PPME1: variants seen among roughly 807,000 people sequenced by gnomAD.
PPME1 encodes protein phosphatase methylesterase 1, also known as testicular secretory protein Li 39.
A neutral mutation model predicts 56.9 loss-of-function variants in PPME1; 17 were observed. The ratio of observed to expected loss-of-function variants is 0.30; its 90% CI spans 0.20 to 0.45. PPME1 has a LOEUF of 0.45. Among genes scored for constraint, PPME1 ranks in the 20% least tolerant of loss-of-function variants. The pLI is 1.00. For missense variants in PPME1, 357 were observed against 483.2 expected (o/e 0.74, Z 2.45); for synonymous variants, 122 against 156.2 (o/e 0.78, Z 1.63).
chr11:74,187,015 A>G (rs1565376840), intron 1 of PPME1, among the ~76,000 whole-genome samples: 1 of 152,188 alleles, frequency 6.6e-6, no homozygotes, highest in Non-Finnish European at 1.5e-5. Context: ...TTCTTTTCCT[A>G]TACAGTTATC....
At chr11:74,211,013 A>G (rs1356886869) in intron 3 of PPME1, among the ~76,000 whole-genome samples, 3 of 152,242 alleles carry the variant, frequency 2.0e-5, no homozygotes, top group Non-Finnish European at 4.4e-5. Context: ...CAGTTTACAA[A>G]GTTGATGTTT....
chr11:74,178,318 C>T (rs191503849), intron 1 of PPME1, among the ~76,000 whole-genome samples: 4 of 152,104 alleles, frequency 2.6e-5, no homozygotes, highest in Non-Finnish European at 4.4e-5. Context: ...CAGATTTTTC[C>T]CTTAAGTCTT....
intron 9 of PPME1, among the ~76,000 whole-genome samples, chr11:74,240,031 G>T (rs1241466943): frequency 7.1e-6 from 1 of 140,224 alleles, no homozygotes; most frequent in Non-Finnish European, 1.5e-5. Flanking sequence ...TGGCTCACGT[G>T]ATCATCCCAC....
chr11:74,176,129 T>C (rs1379134315), intron 1 of PPME1, among the ~76,000 whole-genome samples: 1 of 152,206 alleles, frequency 6.6e-6, no homozygotes, highest in African/African-American at 2.4e-5. Context: ...ACACATAAGC[T>C]CTTAAAGAAT....
At chr11:74,187,709 T>C (rs1216084623) in intron 1 of PPME1, among the ~76,000 whole-genome samples, 4 of 152,222 alleles carry the variant, frequency 2.6e-5, no homozygotes, top group Non-Finnish European at 5.9e-5. Context: ...ATATCTCTGC[T>C]GTTCTTCTGA....
Position 74,253,705 on chromosome 11 carries a change from A to G in PPME1, c.*195A>G. 1 of 647,330 alleles carries G rather than the reference A, an allele frequency of 1.5e-6. No homozygotes were observed. The allele number at this position is 647,330 out of a possible 1,614,324, so 40.1% of individuals were successfully genotyped here. A position where few individuals can be genotyped will look rare whatever the true frequency, so the allele number is the denominator to read the frequency against. On this transcript the variant is annotated 3_prime_UTR_variant, in exon 14 of 14. Coordinates refer to ENST00000328257, the MANE Select transcript of PPME1 (RefSeq NM_016147.3). ...CATTGTTTTCCAGGGCCCTTGACCA[A>G]CATCGGCTTCCCCAGTCCAGGGCTC...
In PPME1 at chr11:74,253,800, C is replaced by T; in HGVS notation, c.*290C>T. Reference sequence around the variant, plus strand: ...TCTCCCTGCGTTGCCTAGGGTAAAGCCTCCAGATTTGCCATACTGAGCCCC... The same window carrying T: ...TCTCCCTGCGTTGCCTAGGGTAAAGTCTCCAGATTTGCCATACTGAGCCCC... On this transcript the variant is annotated 3_prime_UTR_variant, in exon 14 of 14. Coordinates refer to ENST00000328257, the MANE Select transcript of PPME1 (RefSeq NM_016147.3). 5 of 541,978 alleles carry T rather than the reference C, an allele frequency of 9.2e-6. No individual in the cohort carries two copies. In the South Asian group the frequency reaches 1.0e-4, roughly 11 times the overall value. 33.6% of individuals were successfully genotyped at this position (541,978 alleles called of 1,614,324 possible). A position where few individuals can be genotyped will look rare whatever the true frequency, so the allele number is the denominator to read the frequency against.
At chr11:74,187,267 A>G (rs76388450) in intron 1 of PPME1, among the ~76,000 whole-genome samples, 2,381 of 152,284 alleles carry the variant, frequency 0.016, 148 homozygotes, top group Admixed American at 0.11. Context: ...GAGTTTGTCA[A>G]CGTCTGCAAA....
chr11:74,217,852 CCTTT>C (rs1380130929), intron 3 of PPME1, among the ~76,000 whole-genome samples: 1 of 151,920 alleles, frequency 6.6e-6, no homozygotes, highest in Admixed American at 6.6e-5. Flanking sequence ...AAAGTTGAAA[CCTTT>C]CTTGTAAGAT....
In PPME1 at chr11:74,238,415, A is replaced by G. The variant is rs1184753951; in HGVS notation, c.711-718A>G. The G allele has an allele frequency of 3.3e-5, 5 of 152,164 alleles. No individual in the cohort carries two copies. The East Asian group carries it at 9.6e-4, about 29-fold the overall frequency. The allele number at this position is 152,164 out of a possible 1,614,324, so 9.4% of individuals were successfully genotyped here. A position where few individuals can be genotyped will look rare whatever the true frequency, so the allele number is the denominator to read the frequency against. ...CTTCTCTGTCTTTGTCAAGGGCAAA[A>G]TAACAGATTGTTCTCTATCATACAG... is the stretch of plus-strand genomic sequence containing the variant. On this transcript the variant is annotated intron_variant, in intron 8 of 13. Coordinates refer to ENST00000328257, the MANE Select transcript of PPME1 (RefSeq NM_016147.3).
Position 74,203,838 on chromosome 11 carries a change from G to T in PPME1, c.195+17G>T, listed in dbSNP as rs561961984. On this transcript the variant is annotated intron_variant, in intron 2 of 13. Transcript: ENST00000328257. Reference sequence around the variant, plus strand: ...GGCAAGGATATATCCTTTGCAAAATGGCTTATTCTTTAGTGAGCTTATGAT... The same window carrying T: ...GGCAAGGATATATCCTTTGCAAAATTGCTTATTCTTTAGTGAGCTTATGAT... The T allele has an allele frequency of 6.4e-7, 1 of 1,557,314 alleles. No individual in the cohort carries two copies. The highest frequency in any genetic ancestry group is 1.4e-5 in the African/African-American group (1 of 72,976).
rs573256470 is a variant in PPME1, at chr11:74,175,362, G to A, written c.101+3840G>A. Among the ~76,000 whole-genome samples the A allele has an allele frequency of 1.2e-3, 182 of 152,174 alleles. 3 individuals are homozygous for A. Among genetic ancestry groups the A allele is most frequent in the African/African-American group, 4.1e-3 (172 of 41,512 alleles). ...TCCTAAAAATACAAAATTAGCTGGCGTGGTGGCACATGCCTGTAATCCCAG... is the reference window on the plus strand; with the variant it reads ...TCCTAAAAATACAAAATTAGCTGGCATGGTGGCACATGCCTGTAATCCCAG... On this transcript the variant is annotated intron_variant, in intron 1 of 13. Transcript: ENST00000328257.
chr11:74,174,249 C>T (rs942891142), intron 1 of PPME1, among the ~76,000 whole-genome samples: 1 of 152,154 alleles, frequency 6.6e-6, no homozygotes, highest in Non-Finnish European at 1.5e-5. Flanking sequence ...AGAAGCTTAG[C>T]GGTAGGGCCG....
chr11:74,230,329 T>G lies in PPME1; in HGVS notation c.483T>G (p.Ile161Met), dbSNP rs973798171. The G allele has an allele frequency of 6.2e-7, 1 of 1,613,830 alleles. No individual in the cohort carries two copies. Among genetic ancestry groups the G allele is most frequent in the Non-Finnish European group, 8.5e-7 (1 of 1,179,742 alleles). The change falls in exon 6 of 14, where the codon ATT becomes ATG. Residue 161 changes from isoleucine (I) to methionine (M), a missense_variant. Transcript: ENST00000328257. The surrounding 1 kb of genome is among the most constrained non-coding windows in gnomAD (Gnocchi z 4.9). ...MLIGHSMGGA[I>M]AVHTASSNLV... Reference sequence around the variant, plus strand: ...TTGGACATAGCATGGGTGGTGCTATTGCAGTCCACACAGCATCATCCAACC... The same window carrying G: ...TTGGACATAGCATGGGTGGTGCTATGGCAGTCCACACAGCATCATCCAACC...
At chr11:74,213,250 G>A (rs1239888876) in intron 3 of PPME1, among the ~76,000 whole-genome samples, 1 of 152,186 alleles carries the variant, frequency 6.6e-6, no homozygotes, top group African/African-American at 2.4e-5. Flanking sequence ...GACTATGCTT[G>A]TGGAAAGGAT....
intron 7 of PPME1, among the ~76,000 whole-genome samples, chr11:74,235,407 T>C (rs188530338): frequency 7.1e-4 from 108 of 152,222 alleles, no homozygotes; most frequent in African/African-American, 2.5e-3. Context: ...AAAATCATTA[T>C]CCTGCCGACT....
intron 1 of PPME1, among the ~76,000 whole-genome samples, chr11:74,174,133 C>G (rs554462339): frequency 6.9e-6 from 1 of 144,306 alleles, no homozygotes; most frequent in African/African-American, 3.0e-5. Flanking sequence ...TCTCATTTCA[C>G]CACTTCATGT....
In PPME1 at chr11:74,237,130, A is replaced by G. The variant is rs1028279976; in HGVS notation, c.710+1164A>G. Among the ~76,000 whole-genome samples the G allele has an allele frequency of 4.7e-5, 7 of 149,516 alleles. No homozygotes were observed. The South Asian group carries it at 8.3e-4, about 18-fold the overall frequency. ...GATTTGCTGATTGAATTCTCAGGCC[A>G]TAATTTAACATATTCCTTTGTTCCT... On this transcript the variant is annotated intron_variant, in intron 8 of 13. Coordinates refer to ENST00000328257, the MANE Select transcript of PPME1 (RefSeq NM_016147.3).
intron 9 of PPME1, among the ~76,000 whole-genome samples, chr11:74,240,124 A>G (rs771663762): frequency 4.6e-5 from 7 of 152,080 alleles, no homozygotes; most frequent in African/African-American, 1.2e-4. Flanking sequence ...TCTGACCTCA[A>G]TTAGTATCAC....
Sources: allele counts gnomAD v4.1 joint callset (sites outside exome capture counted in the v4.1 genomes callset), GRCh38; gene constraint gnomAD v4.1.1; non-coding constraint Gnocchi (gnomAD v3.1); transcripts MANE v1.5; gene names NCBI Gene and HGNC (gene_info 2026-07-23, HGNC 2026-07-21).